Variants in CACNA1C observed in about 807,000 individuals in gnomAD.
The protein encoded by CACNA1C is voltage-dependent L-type calcium channel subunit alpha-1C.
CACNA1C carries 30 observed loss-of-function variants against 229.0 expected under a neutral mutation model. The observed-to-expected ratio is 0.13, with a 90% CI of 0.10 to 0.18. CACNA1C has a LOEUF of 0.18. CACNA1C is among the 10% of genes least tolerant of loss of function. The pLI is 1.00. For missense variants in CACNA1C, 1,658 were observed against 2,845.0 expected, an observed-to-expected ratio of 0.58 and a Z score of 9.49; for synonymous variants, 1,114 against 1,132.5, an observed-to-expected ratio of 0.98 and a Z score of 0.33.
At chr12:2,687,608 C>T (rs551656906) in intron 45 of CACNA1C, among the ~76,000 whole-genome samples, 1 of 151,152 alleles carries the variant, frequency 6.6e-6, no homozygotes, top group African/African-American at 2.4e-5. Flanking sequence ...GGCACGATCT[C>T]GGCTCACCAC....
chr12:2,450,428 C>T (rs909967791), intron 4 of CACNA1C, among the ~76,000 whole-genome samples: 1 of 151,592 alleles, frequency 6.6e-6, no homozygotes, highest in Non-Finnish European at 1.5e-5. Context: ...GTGGCGGGCG[C>T]CTGTAGTCCC....
In CACNA1C at chr12:2,600,507, C is replaced by T. The variant is rs559726909; in HGVS notation, c.2854-1347C>T. 1.4e-4 allele frequency among the ~76,000 whole-genome samples: 22 copies of T among 152,372 alleles called. No homozygotes were observed. In the East Asian group the frequency reaches 3.9e-3, roughly 27 times the overall value. On this transcript the variant is annotated intron_variant, in intron 21 of 46. Transcript: ENST00000399655. ...ATGACCGGGGAGCCTTGCTCCACCTCTCCACTGTCGGCTCCACATTTTCCC... is the reference window on the plus strand; with the variant it reads ...ATGACCGGGGAGCCTTGCTCCACCTTTCCACTGTCGGCTCCACATTTTCCC...
Position 2,566,399 on chromosome 12 carries a change from T to C in CACNA1C, c.1509-23T>C. On this transcript the variant is annotated intron_variant, in intron 11 of 46. Transcript: ENST00000399655. The surrounding 1 kb of genome is among the most constrained non-coding windows in gnomAD (Gnocchi z 4.0). ...CCTGAATTCACAGCCAACCCCACCCTTCTCTCCCTGTCCCCTTTCCAGCCG... is the reference window on the plus strand; with the variant it reads ...CCTGAATTCACAGCCAACCCCACCCCTCTCTCCCTGTCCCCTTTCCAGCCG... The C allele has an allele frequency of 6.4e-7, 1 of 1,567,646 alleles. No homozygotes were observed. Among genetic ancestry groups the C allele is most frequent in the Non-Finnish European group, 8.7e-7 (1 of 1,155,372 alleles).
rs2097820307 is a variant in CACNA1C at position 2,694,329 on chromosome 12, T to C, written c.*3130T>C. The C allele has an allele frequency of 6.6e-6, 1 of 152,172 alleles. No individual in the cohort carries two copies. The highest frequency in any genetic ancestry group is 1.5e-5 in the Non-Finnish European group (1 of 68,044). The allele number at this position is 152,172 out of a possible 1,614,324, so 9.4% of individuals were successfully genotyped here. ...GACCTTGTAAAACATAATTGTCACATCTTCCATACCCCTCCTGACAGCCCC... is the reference window on the plus strand; with the variant it reads ...GACCTTGTAAAACATAATTGTCACACCTTCCATACCCCTCCTGACAGCCCC... On this transcript the variant is annotated 3_prime_UTR_variant, in exon 47 of 47. Coordinates refer to ENST00000399655, the MANE Select transcript of CACNA1C (RefSeq NM_000719.7).
chr12:2,680,169 G>A (rs1192143730), intron 42 of CACNA1C, among the ~76,000 whole-genome samples: 1 of 152,170 alleles, frequency 6.6e-6, no homozygotes, highest in Non-Finnish European at 1.5e-5. Context: ...TCTCCCAGCC[G>A]AGATGGGAAT....
At position 2,276,218 on chromosome 12, in the gene CACNA1C, C is replaced by T. The variant is rs2087950616; in HGVS notation, c.477+155788C>T. Among the ~76,000 whole-genome samples the T allele has an allele frequency of 2.6e-5, 4 of 152,248 alleles. No homozygotes were observed. The South Asian group carries it at 8.3e-4, about 32-fold the overall frequency. On this transcript the variant is annotated intron_variant, in intron 3 of 46. Transcript: ENST00000399655. ...ATGCTTAAGAACTACTGTTGGTTGG[C>T]TCCAGGTCTGGGATATGAACCCGAA...
chr12:2,181,223 C>A lies in CACNA1C; in HGVS notation c.477+60793C>A, dbSNP rs2096832370. On this transcript the variant is annotated intron_variant, in intron 3 of 46. Coordinates refer to ENST00000399655, the MANE Select transcript of CACNA1C (RefSeq NM_000719.7). This position sits in a 1 kb window ranked among gnomAD's most constrained non-coding sequence, Gnocchi z 4.0. ...GTTATTTCCTGTAGCCAACTGACAT[C>A]TTTGCACCTCTGTTTCCTCATCCAG... Among the ~76,000 whole-genome samples the A allele has an allele frequency of 6.6e-6, 1 of 152,208 alleles. No individual in the cohort carries two copies. Among genetic ancestry groups the A allele is most frequent in the Non-Finnish European group, 1.5e-5 (1 of 68,040 alleles).
intron 3 of CACNA1C, among the ~76,000 whole-genome samples, chr12:2,441,937 G>A (rs2099232175): frequency 6.6e-6 from 1 of 152,152 alleles, no homozygotes; most frequent in African/African-American, 2.4e-5. Flanking sequence ...CCTTCCTCTT[G>A]CCTGCACCTG....
At chr12:2,610,517 C>A in intron 27 of CACNA1C, 24 bp from the exon 28 acceptor site, 1 of 1,602,334 alleles carries the variant, frequency 6.2e-7, no homozygotes, top group Non-Finnish European at 8.5e-7. Context: ...ACCCCACTCT[C>A]CCCATCCTCC....
intron 3 of CACNA1C, among the ~76,000 whole-genome samples, chr12:2,425,539 G>C (rs1366759928): frequency 6.6e-6 from 1 of 152,198 alleles, no homozygotes; most frequent in African/African-American, 2.4e-5. Flanking sequence ...GTCACATTTT[G>C]CTGACTTCTT....
chr12:2,613,439 T>C (rs1454719988), intron 29 of CACNA1C: 3 of 152,196 alleles, frequency 2.0e-5, no homozygotes, highest in Non-Finnish European at 4.4e-5. Flanking sequence ...CTGCGGGTAT[T>C]TTTTAGCAAG....
chr12:2,648,429 C>T (rs773771787), intron 30 of CACNA1C, 46 bp from the exon 31 acceptor site: 2 of 1,589,226 alleles, frequency 1.3e-6, no homozygotes, highest in Non-Finnish European at 1.7e-6. Flanking sequence ...CGGGCATCTT[C>T]ATGGGAGACT....
chr12:2,469,707 G>T (rs1358629335), intron 5 of CACNA1C, among the ~76,000 whole-genome samples: 2 of 152,176 alleles, frequency 1.3e-5, no homozygotes, highest in African/African-American at 4.8e-5. Flanking sequence ...AAAGTATAAT[G>T]CCTTCTTCAG....
chr12:2,292,419 T>C (rs188328721), intron 3 of CACNA1C, among the ~76,000 whole-genome samples: 4 of 152,236 alleles, frequency 2.6e-5, no homozygotes, highest in African/African-American at 9.6e-5. Flanking sequence ...TATTCTGAGG[T>C]ATTTGGAGAA....
At chr12:2,078,862 A>G (rs1322023842) in intron 1 of CACNA1C, among the ~76,000 whole-genome samples, 1 of 152,164 alleles carries the variant, frequency 6.6e-6, no homozygotes, top group African/African-American at 2.4e-5. Flanking sequence ...CACAATAGCA[A>G]AGACTTGGAA....
chr12:2,072,003 A>G (rs1339421577), intron 1 of CACNA1C, among the ~76,000 whole-genome samples: 1 of 152,172 alleles, frequency 6.6e-6, no homozygotes, highest in Non-Finnish European at 1.5e-5. Flanking sequence ...TGTGAAGACA[A>G]ATGAGATAAT....
At position 2,689,048 on chromosome 12, in the gene CACNA1C, A is replaced by T. The variant is rs898702999; in HGVS notation, c.6117+269A>T. ...TTATCCCTTATACTGCAGCTGCTCGACATGCAAATGTGAGCCTGGCTGCCT... is the reference window on the plus strand; with the variant it reads ...TTATCCCTTATACTGCAGCTGCTCGTCATGCAAATGTGAGCCTGGCTGCCT... On this transcript the variant is annotated intron_variant, in intron 46 of 46. Transcript: ENST00000399655. This position sits in a 1 kb window ranked among gnomAD's most constrained non-coding sequence, Gnocchi z 4.2. Among the ~76,000 whole-genome samples, 3 of 152,198 alleles carry T rather than the reference A, an allele frequency of 2.0e-5. No homozygotes were observed. The highest frequency in any genetic ancestry group is 2.0e-4 in the Admixed American group (3 of 15,282).
chr12:2,573,492 G>A (rs1381764997), intron 13 of CACNA1C, among the ~76,000 whole-genome samples: 1 of 152,260 alleles, frequency 6.6e-6, no homozygotes, highest in Non-Finnish European at 1.5e-5. Context: ...TGTTTGAAAA[G>A]TGGTAATATG....
chr12:2,287,488 C>CGTGGTCTTGAT lies in CACNA1C; in HGVS notation c.478-161478_478-161468dup, dbSNP rs1171511956. The stretch of plus-strand genomic sequence containing the variant: ...GGGCCCGAAGAGCAGTTTCAGCCTG[C>CGTGGTCTTGAT]GTGGTCTTGATGTGGTCTTGGCTGA... On this transcript the variant is annotated intron_variant, in intron 3 of 46. Coordinates refer to ENST00000399655, the MANE Select transcript of CACNA1C (RefSeq NM_000719.7). The surrounding 1 kb of genome is among the most constrained non-coding windows in gnomAD (Gnocchi z 4.6). Among the ~76,000 whole-genome samples the CGTGGTCTTGAT allele has an allele frequency of 1.3e-5, 2 of 152,156 alleles. No individual in the cohort carries two copies. The highest frequency in any genetic ancestry group is 4.8e-5 in the African/African-American group (2 of 41,424).
Sources: gnomAD v4.1 joint callset for allele counts (sites outside exome capture counted in the v4.1 genomes callset) on GRCh38, gnomAD v4.1.1 for gene constraint, Gnocchi (gnomAD v3.1) non-coding constraint, MANE v1.5 for transcripts, NCBI Gene and HGNC (gene_info 2026-07-23, HGNC 2026-07-21) for gene names.